DGLUCY: variants seen among roughly 807,000 people sequenced by gnomAD.
DGLUCY encodes D-glutamate cyclase.
DGLUCY carries 58 observed loss-of-function variants against 58.5 expected under a neutral mutation model. The observed-to-expected ratio is 0.99, with a 90% confidence interval of 0.80 to 1.23. DGLUCY has a LOEUF of 1.23. Ranked by LOEUF, DGLUCY falls within the 50% of genes most tolerant of loss-of-function variation. The pLI is 0.00. For missense variants in DGLUCY, 779 were observed against 784.7 expected (o/e 0.99, Z 0.09); for synonymous variants, 325 against 314.1 (o/e 1.03, Z -0.37).
At chr14:91,218,730 G>A (rs1170055859) in intron 13 of DGLUCY, among the ~76,000 whole-genome samples, 2 of 152,092 alleles carry the variant, frequency 1.3e-5, no homozygotes, top group Non-Finnish European at 2.9e-5. Flanking sequence ...AAAAGCAAAA[G>A]TACAAACACA....
chr14:91,209,486 G>T (rs886103257), intron 12 of DGLUCY, among the ~76,000 whole-genome samples: 1 of 151,992 alleles, frequency 6.6e-6, no homozygotes, highest in African/African-American at 2.4e-5. Flanking sequence ...AGGCTGGGTG[G>T]ATCACGAGGT....
In DGLUCY at chr14:91,130,298, T is replaced by C. The variant is rs1289410663; in HGVS notation, c.-82+16015T>C. Among the ~76,000 whole-genome samples the C allele has an allele frequency of 2.0e-5, 3 of 151,612 alleles. No homozygotes were observed. The East Asian group carries it at 5.8e-4, about 29-fold the overall frequency. On this transcript the variant is annotated intron_variant, in intron 1 of 13. Transcript: ENST00000256324. ...AATTACTCTTGAAGTGAAGAATCTTTTCTTTTCTTTTTTTTTTTTTTTAGA... is the reference window on the plus strand; with the variant it reads ...AATTACTCTTGAAGTGAAGAATCTTCTCTTTTCTTTTTTTTTTTTTTTAGA...
intron 1 of DGLUCY, among the ~76,000 whole-genome samples, chr14:91,155,686 C>T (rs969727402): frequency 6.6e-6 from 1 of 151,918 alleles, no homozygotes; most frequent in Admixed American, 6.6e-5. Flanking sequence ...GTCCCAGCTA[C>T]TCAGGGGACT....
Position 91,160,413 on chromosome 14 carries a change from T to C in DGLUCY, c.103+16T>C, listed in dbSNP as rs748068267. ...ATGGCTGGAGGTAAGTGGTGCCAGA[T>C]AGTTAAAAAAAAAAAAAAAAAAAAA... On this transcript the variant is annotated intron_variant, in intron 3 of 13. Transcript: ENST00000256324. 8 of 845,234 alleles carry C rather than the reference T, an allele frequency of 9.5e-6. No individual in the cohort carries two copies. Among genetic ancestry groups the C allele is most frequent in the Non-Finnish European group, 1.1e-5 (7 of 619,174 alleles). 52.4% of individuals were successfully genotyped at this position (845,234 alleles called of 1,614,324 possible). A position where few individuals can be genotyped will look rare whatever the true frequency, so the allele number is the denominator to read the frequency against.
chr14:91,160,350 T>C lies in DGLUCY; in HGVS notation c.56T>C (p.Ile19Thr). The change falls in exon 3 of 14, where the codon ATT (isoleucine) becomes ACT (threonine). Residue 19 changes from isoleucine (I) to threonine (T), a missense_variant. Transcript: ENST00000256324. The part of the protein sequence containing the change: ...SRLPSAIRSL[I>T]LQKKPNIRNT... ...CTTCCCTCTGCCATAAGGAGTTTGATTCTACAAAAGAAACCAAACATCAGA... is the reference window on the plus strand; with the variant it reads ...CTTCCCTCTGCCATAAGGAGTTTGACTCTACAAAAGAAACCAAACATCAGA... 1 of 1,609,486 alleles carries C rather than the reference T, an allele frequency of 6.2e-7. No homozygotes were observed. Among genetic ancestry groups the C allele is most frequent in the Non-Finnish European group, 8.5e-7 (1 of 1,179,498 alleles).
At chr14:91,113,077 G>A (rs1375975245), upstream of DGLUCY, among the ~76,000 whole-genome samples, 7 of 151,376 alleles carry the variant, frequency 4.6e-5, no homozygotes, top group Admixed American at 6.6e-5. Flanking sequence ...TGAGGCAGGC[G>A]GATCACAAGG....
At chr14:91,083,899 T>G (rs2044169209) in intron 1 of DGLUCY, among the ~76,000 whole-genome samples, 1 of 152,098 alleles carries the variant, frequency 6.6e-6, no homozygotes, top group Non-Finnish European at 1.5e-5. Flanking sequence ...ACTCTTCATC[T>G]CATCTCCATT....
intron 1 of DGLUCY, among the ~76,000 whole-genome samples, chr14:91,062,559 AT>A (rs1432408925): frequency 0.49 from 8,853 of 18,042 alleles, 1,608 homozygotes; most frequent in Middle Eastern, 0.54. Flanking sequence ...AAAAAAAAAA[AT>A]ATATATATAT....
intron 12 of DGLUCY, among the ~76,000 whole-genome samples, chr14:91,206,756 T>G (rs1421022302): frequency 3.3e-5 from 5 of 152,112 alleles, no homozygotes; most frequent in Non-Finnish European, 7.4e-5. Flanking sequence ...GAAACACCGA[T>G]AAGCAAAAAC....
upstream of DGLUCY, chr14:91,107,842 G>A (rs1198928481): frequency 6.6e-6 from 1 of 152,636 alleles, no homozygotes; most frequent in Non-Finnish European, 1.5e-5. Context: ...ACACGAGACA[G>A]GGAGCTACTT....
upstream of DGLUCY, among the ~76,000 whole-genome samples, chr14:91,104,848 A>G (rs1216666729): frequency 6.6e-6 from 1 of 152,182 alleles, no homozygotes; most frequent in African/African-American, 2.4e-5. Context: ...CTATAGCCAC[A>G]ATTTCTCCTT....
chr14:91,204,894 C>T, intron 12 of DGLUCY, 69 bp downstream of exon 12: 3 of 1,601,832 alleles, frequency 1.9e-6, no homozygotes, highest in Non-Finnish European at 2.6e-6. Flanking sequence ...GGAGCCTGAC[C>T]AGGCCAGAAG....
chr14:91,204,724 A>T lies in DGLUCY; in HGVS notation c.1463A>T (p.Asn488Ile). The T allele has an allele frequency of 6.2e-7, 1 of 1,613,988 alleles. No homozygotes were observed. The highest frequency in any genetic ancestry group is 8.5e-7 in the Non-Finnish European group (1 of 1,179,944). Residue 488 changes from asparagine (N) to isoleucine (I), a missense_variant, in exon 12 of 14, where the codon AAC becomes ATC. Asn to Ile is a moderately radical substitution (Grantham distance 149). Coordinates refer to ENST00000256324, the MANE Select transcript of DGLUCY (RefSeq NM_001102368.3). ...ISSTGVGDGGNELGMGKVKEA... is the reference protein window; with the variant it reads ...ISSTGVGDGGIELGMGKVKEA... Reference sequence around the variant, plus strand: ...CCTTCAGGAGTCGGTGATGGAGGCAACGAGCTTGGGATGGGTAAAGTCAAG... The same window carrying T: ...CCTTCAGGAGTCGGTGATGGAGGCATCGAGCTTGGGATGGGTAAAGTCAAG...
At chr14:91,060,701 C>CA (rs1566923412) in exon 1 of DGLUCY, 1 of 351,734 alleles carries the variant, frequency 2.8e-6, no homozygotes, top group East Asian at 4.3e-5. Flanking sequence ...CCACAGCCAG[C>CA]AAGGTAAGGG....
At chr14:91,174,855 A>G (rs2048770446) in intron 6 of DGLUCY, among the ~76,000 whole-genome samples, 2 of 152,110 alleles carry the variant, frequency 1.3e-5, no homozygotes, top group Admixed American at 6.5e-5. Flanking sequence ...GTGGAATGGA[A>G]TTGGAGGGCA....
At chr14:91,152,576 CT>C (rs1196645593) in intron 1 of DGLUCY, among the ~76,000 whole-genome samples, 43 of 152,096 alleles carry the variant, frequency 2.8e-4, no homozygotes, top group Admixed American at 2.8e-3. Context: ...GTTAGGATGC[CT>C]TCTTCCTTGC....
At chr14:91,162,418 G>C (rs1409256335) in intron 3 of DGLUCY, among the ~76,000 whole-genome samples, 3 of 152,096 alleles carry the variant, frequency 2.0e-5, no homozygotes, top group Non-Finnish European at 2.9e-5. Context: ...AATCACATTA[G>C]ACCATAAAGT....
At chr14:91,102,660 A>G (rs1006326212) in intron 1 of DGLUCY, among the ~76,000 whole-genome samples, 2 of 151,576 alleles carry the variant, frequency 1.3e-5, no homozygotes, top group African/African-American at 4.8e-5. Context: ...GGGCATGGAT[A>G]TGGGGAATTG....
intron 1 of DGLUCY, among the ~76,000 whole-genome samples, chr14:91,074,969 G>A (rs749372361): frequency 2.6e-5 from 4 of 152,024 alleles, no homozygotes; most frequent in Non-Finnish European, 4.4e-5. Flanking sequence ...CTATTCAGGA[G>A]GCTGAGGCAG....
Sources: gnomAD v4.1 joint callset for allele counts (sites outside exome capture counted in the v4.1 genomes callset) on GRCh38, gnomAD v4.1.1 for gene constraint, MANE v1.5 for transcripts, NCBI Gene and HGNC (gene_info 2026-07-23, HGNC 2026-07-21) for gene names.